LYST: variants seen among roughly 807,000 people sequenced by gnomAD.
The protein encoded by LYST is lysosomal-trafficking regulator.
A neutral mutation model predicts 413.6 loss-of-function variants in LYST; 192 were observed. The ratio of observed to expected loss-of-function variants is 0.46; its 90% CI spans 0.41 to 0.52. LYST has a LOEUF of 0.52. Among genes scored for constraint, LYST ranks in the 20% least tolerant of loss-of-function variants. LYST has a pLI of 0.00. For missense variants in LYST, 3,815 were observed against 4,499.9 expected (o/e 0.85, Z 4.35); for synonymous variants, 1,525 against 1,567.3 (o/e 0.97, Z 0.64).
chr1:235,860,945 A>G (rs926982779), intron 1 of LYST, among the ~76,000 whole-genome samples: 1 of 151,930 alleles, frequency 6.6e-6, no homozygotes, highest in African/African-American at 2.4e-5. Flanking sequence ...ACAATGCAGT[A>G]TGTACTTTTT....
chr1:235,818,354 T>C (rs1034995244), intron 3 of LYST, among the ~76,000 whole-genome samples: 5 of 152,082 alleles, frequency 3.3e-5, no homozygotes, highest in Non-Finnish European at 7.4e-5. Context: ...TTCTCAGTCT[T>C]CTCTCAGGGC....
At chr1:235,874,452 A>C (rs1005909518) in intron 1 of LYST, among the ~76,000 whole-genome samples, 2 of 152,064 alleles carry the variant, frequency 1.3e-5, no homozygotes, top group African/African-American at 4.8e-5. Context: ...GGGACACCCA[A>C]CTCCCATCCT....
At chr1:235,868,397 T>TGAGGGA, upstream of LYST, among the ~76,000 whole-genome samples, 1 of 152,328 alleles carries the variant, frequency 6.6e-6, no homozygotes, top group Admixed American at 6.5e-5. Flanking sequence ...TTAACCTGTT[T>TGAGGGA]CGTCATTTTA....
At chr1:235,843,973 C>CT (rs1205251082) in intron 1 of LYST, among the ~76,000 whole-genome samples, 1 of 152,018 alleles carries the variant, frequency 6.6e-6, no homozygotes, top group Non-Finnish European at 1.5e-5. Context: ...ATTGGAAAGA[C>CT]TTTTTTTCAA....
At chr1:235,798,946 C>T (rs1276077686) in intron 10 of LYST, among the ~76,000 whole-genome samples, 6 of 152,156 alleles carry the variant, frequency 3.9e-5, no homozygotes, top group Non-Finnish European at 8.8e-5. Flanking sequence ...TGTAAATAAA[C>T]TGCCTACTAC....
chr1:235,800,847 C>T (rs1430547936), intron 9 of LYST, 24 bp downstream of exon 9: 5 of 1,466,030 alleles, frequency 3.4e-6, no homozygotes, highest in Non-Finnish European at 3.8e-6. Flanking sequence ...ATATTGATCA[C>T]ATTTAACTAA....
intron 12 of LYST, among the ~76,000 whole-genome samples, chr1:235,789,275 A>T (rs908265229): frequency 6.6e-5 from 10 of 152,130 alleles, no homozygotes; most frequent in Non-Finnish European, 1.3e-4. Context: ...TTAAAAAAAA[A>T]TATCATATTA....
rs543244497 is a variant in LYST at position 235,802,503 on chromosome 1, TGCCTA to T, written c.3712+400_3712+404del. Among the ~76,000 whole-genome samples the T allele has an allele frequency of 1.6e-3, 245 of 152,354 alleles. 1 individual carries two copies. The highest frequency in any genetic ancestry group is 5.7e-3 in the African/African-American group (235 of 41,582). ...AATGCTCTTCCTGCCAGTGTTTGTC[TGCCTA>T]GCTTGTTTTCATTTAGTCCTCAATG... On this transcript the variant is annotated intron_variant, in intron 8 of 52. Coordinates refer to ENST00000389793, the MANE Select transcript of LYST (RefSeq NM_000081.4).
chr1:235,797,771 T>C (rs1049512334), intron 10 of LYST, among the ~76,000 whole-genome samples: 3 of 152,056 alleles, frequency 2.0e-5, no homozygotes, highest in Non-Finnish European at 4.4e-5. Context: ...AAAAAATAGA[T>C]AAATTGGACT....
intron 14 of LYST, among the ~76,000 whole-genome samples, chr1:235,784,660 T>C (rs1490315786): frequency 2.6e-5 from 4 of 152,170 alleles, no homozygotes; most frequent in Non-Finnish European, 2.9e-5. Flanking sequence ...TACTTTATAG[T>C]ATTGTTGGGA....
At chr1:235,802,130 G>T (rs886280571) in intron 8 of LYST, among the ~76,000 whole-genome samples, 1 of 141,236 alleles carries the variant, frequency 7.1e-6, no homozygotes, top group Non-Finnish European at 1.5e-5. Flanking sequence ...GGAGATGGAG[G>T]TTGCAGTGAG....
In LYST at chr1:235,743,916, T is replaced by C. The variant is rs985290263; in HGVS notation, c.8151+63A>G. ...ATGATTTTGAAAACGTATAATACAG[T>C]CAACATAAAACCTCTATTTCCTTTG... is the stretch of plus-strand genomic sequence containing the variant. On this transcript the variant is annotated intron_variant, in intron 30 of 52. Transcript: ENST00000389793. The C allele has an allele frequency of 7.5e-6, 7 of 932,062 alleles. No individual in the cohort carries two copies. In the African/African-American group the frequency reaches 9.8e-5, roughly 13 times the overall value. 57.7% of individuals were successfully genotyped at this position (932,062 alleles called of 1,614,324 possible). A position where few individuals can be genotyped will look rare whatever the true frequency, so the allele number is the denominator to read the frequency against.
At chr1:235,776,962 T>C in intron 17 of LYST, 101 bp downstream of exon 17, 2 of 983,172 alleles carry the variant, frequency 2.0e-6, no homozygotes, top group Non-Finnish European at 3.1e-6. Flanking sequence ...TTTAATATAG[T>C]CGAGTGTAGC....
intron 45 of LYST, among the ~76,000 whole-genome samples, chr1:235,700,657 C>T (rs756069342): frequency 2.0e-5 from 3 of 152,166 alleles, no homozygotes; most frequent in East Asian, 1.9e-4. Flanking sequence ...AGTATGGTGT[C>T]GAAAGTTTCA....
chr1:235,823,910 C>T (rs768123871), intron 3 of LYST, among the ~76,000 whole-genome samples: 3 of 152,198 alleles, frequency 2.0e-5, no homozygotes, highest in Non-Finnish European at 4.4e-5. Flanking sequence ...TAAAGACAGT[C>T]GCTGTCCTTT....
chr1:235,741,683 T>C, intron 30 of LYST, 55 bp from the exon 31 acceptor site: 1 of 1,286,772 alleles, frequency 7.8e-7, no homozygotes, highest in Admixed American at 1.7e-5. Context: ...AGCAATACCA[T>C]GCTAGCCTCA....
intron 40 of LYST, among the ~76,000 whole-genome samples, chr1:235,719,501 C>T (rs1429845288): frequency 6.6e-6 from 1 of 151,758 alleles, no homozygotes; most frequent in Non-Finnish European, 1.5e-5. Context: ...ATGGATGAAA[C>T]CATTAGGTAC....
chr1:235,798,085 A>G (rs1169365150), intron 10 of LYST, among the ~76,000 whole-genome samples: 2 of 152,206 alleles, frequency 1.3e-5, no homozygotes, highest in Non-Finnish European at 2.9e-5. Flanking sequence ...ACAATGAGAA[A>G]AATGTCAAAC....
At chr1:235,828,479 A>T (rs1355848179) in intron 3 of LYST, among the ~76,000 whole-genome samples, 1 of 152,188 alleles carries the variant, frequency 6.6e-6, no homozygotes, top group African/African-American at 2.4e-5. Flanking sequence ...TAAGATTTTG[A>T]TTGGGATTAA....
Sources: allele counts gnomAD v4.1 joint callset (sites outside exome capture counted in the v4.1 genomes callset), GRCh38; gene constraint gnomAD v4.1.1; transcripts MANE v1.5; gene names NCBI Gene and HGNC (gene_info 2026-07-23, HGNC 2026-07-21).